DLGAP1: variants seen among roughly 807,000 people sequenced by gnomAD.
DLGAP1 encodes the protein disks large-associated protein 1.
In DLGAP1, 11 loss-of-function variants were observed where a neutral mutation model predicts 90.8. The observed-to-expected ratio is 0.12, with a 90% CI of 0.08 to 0.20. The LOEUF (loss-of-function observed/expected upper bound fraction) is 0.20, where lower values mean the gene tolerates loss of function less well. Among genes scored for constraint, DLGAP1 ranks in the 10% least tolerant of loss-of-function variants. The pLI is 1.00. For synonymous variants in DLGAP1, 558 were observed against 540.7 expected, an observed-to-expected ratio of 1.03 and a Z score of -0.44; for missense variants, 1,050 against 1,333.8, an observed-to-expected ratio of 0.79 and a Z score of 3.31.
At chr18:3,513,475 G>A (rs978884670) in intron 10 of DLGAP1, among the ~76,000 whole-genome samples, 3 of 152,200 alleles carry the variant, frequency 2.0e-5, no homozygotes, top group African/African-American at 7.2e-5. Context: ...ACATTTCCCA[G>A]CCAGTGCCAA....
chr18:3,729,176 G>T lies in DLGAP1; in HGVS notation c.1550C>A (p.Pro517Gln), dbSNP rs1298165235. The change falls in exon 7 of 13, where the codon CCG becomes CAG. Residue 517 changes from proline (P) to glutamine (Q), a missense_variant. This residue lies in a region of DLGAP1 where 565 missense variants were observed against 879.7 expected (regional missense o/e 0.64). Transcript: ENST00000315677. The surrounding 1 kb of genome is among the most constrained non-coding windows in gnomAD (Gnocchi z 6.2). ...GGTCCTAACGGTGGTGGTGGTGCGCGGCGGCGAGGACGACCTCAGGGACAC... is the reference window on the plus strand; with the variant it reads ...GGTCCTAACGGTGGTGGTGGTGCGCTGCGGCGAGGACGACCTCAGGGACAC... Reference protein sequence around the residue: ...ECVSLRSSSPPRTTTTVRTIQ... With the variant: ...ECVSLRSSSPQRTTTTVRTIQ... The T allele has an allele frequency of 1.2e-6, 2 of 1,613,338 alleles. No individual in the cohort carries two copies.
At chr18:4,158,487 G>A (rs372962098) in intron 1 of DLGAP1, among the ~76,000 whole-genome samples, 2 of 152,066 alleles carry the variant, frequency 1.3e-5, no homozygotes, top group Non-Finnish European at 2.9e-5. Flanking sequence ...GTTATGAACT[G>A]GCACACAACT....
chr18:3,580,385 C>A, intron 8 of DLGAP1: 1 of 1,613,884 alleles, frequency 6.2e-7, no homozygotes, highest in South Asian at 1.1e-5. Context: ...GAGCCACATA[C>A]CTAAGCACCA....
At chr18:3,868,151 C>A (rs1181844843) in intron 4 of DLGAP1, among the ~76,000 whole-genome samples, 1 of 152,128 alleles carries the variant, frequency 6.6e-6, no homozygotes, top group Non-Finnish European at 1.5e-5. Context: ...CCATGGAATA[C>A]TTCCAAGAGG....
intron 3 of DLGAP1, among the ~76,000 whole-genome samples, chr18:3,977,137 C>T (rs560813146): frequency 2.6e-5 from 4 of 152,190 alleles, no homozygotes; most frequent in African/African-American, 9.6e-5. Flanking sequence ...TGCAGTGGTG[C>T]CATCTCGGCT....
chr18:3,586,062 C>T (rs1166269228), intron 7 of DLGAP1, among the ~76,000 whole-genome samples: 1 of 152,146 alleles, frequency 6.6e-6, no homozygotes, highest in Non-Finnish European at 1.5e-5. Context: ...ACTCTGGATA[C>T]CTTGCTCAAC....
intron 3 of DLGAP1, among the ~76,000 whole-genome samples, chr18:3,892,908 ATATATT>A (rs1252074362): frequency 6.8e-6 from 1 of 147,750 alleles, no homozygotes; most frequent in Non-Finnish European, 1.5e-5. Flanking sequence ...ATATAAATAT[ATATATT>A]TATATATATA....
intron 1 of DLGAP1, among the ~76,000 whole-genome samples, chr18:4,267,758 G>A (rs1013912293): frequency 1.3e-4 from 20 of 152,134 alleles, no homozygotes; most frequent in African/African-American, 4.6e-4. Flanking sequence ...TGACAACTAG[G>A]CTGTGGCACA....
At chr18:3,862,425 C>T (rs2070125630) in intron 4 of DLGAP1, among the ~76,000 whole-genome samples, 1 of 152,222 alleles carries the variant, frequency 6.6e-6, no homozygotes, top group Admixed American at 6.5e-5. Context: ...ATGAGGATTA[C>T]TGTCCAAAAG....
intron 4 of DLGAP1, among the ~76,000 whole-genome samples, chr18:3,815,794 T>C (rs1028061131): frequency 2.0e-5 from 3 of 152,160 alleles, no homozygotes; most frequent in African/African-American, 7.2e-5. Flanking sequence ...TTTTATTCAT[T>C]AAGAAGTAAC....
At chr18:4,296,080 C>A (rs2079973216) in intron 1 of DLGAP1, among the ~76,000 whole-genome samples, 1 of 152,180 alleles carries the variant, frequency 6.6e-6, no homozygotes, top group South Asian at 2.1e-4. Context: ...CTTCTCATTT[C>A]ATCATCTGGG....
In DLGAP1 at chr18:3,581,665, A is replaced by AG. The variant is rs1215871325; in HGVS notation, c.1965+209_1965+210insC. Among the ~76,000 whole-genome samples the AG allele has an allele frequency of 1.1e-3, 3 of 2,814 alleles. No individual in the cohort carries two copies. In the Non-Finnish European group the frequency reaches 0.016, roughly 15 times the overall value. The allele number at this position is 2,814 out of a possible 152,430, so 1.8% of individuals were successfully genotyped here. On this transcript the variant is annotated intron_variant, in intron 8 of 12. Transcript: ENST00000315677. Reference sequence around the variant, plus strand: ...CAAATAAAAAAATCTTCTCACCATGAAAAAAAAAAAAAAAGAAAAGAAAAT... The same window carrying AG: ...CAAATAAAAAAATCTTCTCACCATGAGAAAAAAAAAAAAAAGAAAAGAAAAT...
intron 3 of DLGAP1, among the ~76,000 whole-genome samples, chr18:3,949,676 A>G (rs886844506): frequency 4.6e-5 from 7 of 152,220 alleles, no homozygotes; most frequent in Non-Finnish European, 7.3e-5. Context: ...CTGGTTGTAT[A>G]TAGTTGACCC....
chr18:3,953,492 T>C (rs113654540), intron 3 of DLGAP1, among the ~76,000 whole-genome samples: 24,726 of 152,176 alleles, frequency 0.16, 2,147 homozygotes, highest in Middle Eastern at 0.22. Flanking sequence ...GCTCCATCCA[T>C]GTTGCTGTAA....
intron 7 of DLGAP1, among the ~76,000 whole-genome samples, chr18:3,720,895 A>AAAAAAAAAAAAAAAAG (rs2061953800): frequency 1.4e-5 from 2 of 140,408 alleles, no homozygotes; most frequent in African/African-American, 5.7e-5. Flanking sequence ...CTACAAAAAA[A>AAAAAAAAAAAAAAAAG]AAAAAAAAAA....
chr18:4,075,993 T>C (rs1173580647), intron 2 of DLGAP1, among the ~76,000 whole-genome samples: 1 of 152,172 alleles, frequency 6.6e-6, no homozygotes, highest in African/African-American at 2.4e-5. Flanking sequence ...TAACTCTTGG[T>C]CGCTCTCCCT....
intron 2 of DLGAP1, among the ~76,000 whole-genome samples, chr18:4,075,842 G>A (rs935945564): frequency 3.3e-5 from 5 of 152,032 alleles, no homozygotes; most frequent in African/African-American, 1.2e-4. Flanking sequence ...TGAGTTTATT[G>A]CTTTACAAGA....
intron 5 of DLGAP1, among the ~76,000 whole-genome samples, chr18:3,746,347 T>C (rs2063270272): frequency 6.6e-6 from 1 of 152,072 alleles, no homozygotes; most frequent in South Asian, 2.1e-4. Context: ...AAAAAACCTA[T>C]AAAGCCTTAT....
At chr18:3,732,117 C>T (rs1240382336) in intron 6 of DLGAP1, among the ~76,000 whole-genome samples, 3 of 152,114 alleles carry the variant, frequency 2.0e-5, no homozygotes, top group Non-Finnish European at 4.4e-5. Context: ...GATTGTTTGC[C>T]CCATAGAGGT....
Sources: gnomAD v4.1 joint callset for allele counts (sites outside exome capture counted in the v4.1 genomes callset) on GRCh38, gnomAD v4.1.1 for gene constraint, gnomAD v4.1.1 regional missense constraint, Gnocchi (gnomAD v3.1) non-coding constraint, MANE v1.5 for transcripts, NCBI Gene and HGNC (gene_info 2026-07-23, HGNC 2026-07-21) for gene names.